TICRR: variants seen among roughly 807,000 people sequenced by gnomAD.
The protein encoded by TICRR is TOPBP1 interacting checkpoint and replication regulator, also known as treslin.
A neutral mutation model predicts 178.1 loss-of-function variants in TICRR; 132 were observed. That is an observed-to-expected ratio of 0.74 (90% confidence interval 0.64 to 0.86). TICRR has a LOEUF of 0.86. Among genes scored for constraint, TICRR ranks in the 40% least tolerant of loss-of-function variants. The probability of loss-of-function intolerance (pLI) is 0.00; values close to 1 mark genes in which losing one functional copy is unlikely to be tolerated. For missense variants in TICRR, 2,587 were observed against 2,334.3 expected, an observed-to-expected ratio of 1.11 and a Z score of -2.23; for synonymous variants, 991 against 900.7, an observed-to-expected ratio of 1.10 and a Z score of -1.79.
intron 7 of TICRR, among the ~76,000 whole-genome samples, chr15:89,596,607 A>C (rs1047814294): frequency 6.6e-6 from 1 of 152,156 alleles, no homozygotes. Flanking sequence ...TCGGCCTCCT[A>C]AAGTGCTGGG....
chr15:89,605,222 A>C (rs528644681), intron 13 of TICRR, among the ~76,000 whole-genome samples: 31 of 152,366 alleles, frequency 2.0e-4, no homozygotes, highest in African/African-American at 7.2e-4. Flanking sequence ...GCTATAGTGG[A>C]AAAGCAGCTA....
chr15:89,613,733 G>C (rs764887608), intron 15 of TICRR, among the ~76,000 whole-genome samples: 706 of 55,564 alleles, frequency 0.013, 3 homozygotes, highest in Middle Eastern at 0.097. Flanking sequence ...ATTTCTATTC[G>C]CTTTTTTTTT....
In TICRR at chr15:89,601,557, A is replaced by T. The variant is rs1006265134; in HGVS notation, c.2316A>T (p.Glu772Asp). ...CGTACCTAGCAGAGTTTCTGGAGGA[A>T]ATTTTGAGATTGTAAGTTTGATGGT... is the stretch of plus-strand genomic sequence containing the variant. ...DSAYLAEFLE[E>D]ILRLYIDSIP... The change falls in exon 11 of 22, where the codon GAA becomes GAT. Residue 772 changes from glutamate to aspartate, a missense_variant. Coordinates refer to ENST00000268138, the MANE Select transcript of TICRR (RefSeq NM_152259.4). The T allele has an allele frequency of 8.1e-6, 13 of 1,614,048 alleles. No individual in the cohort carries two copies. The African/African-American group carries it at 1.6e-4, about 20-fold the overall frequency.
At chr15:89,597,294 C>T (rs1397097130) in intron 7 of TICRR, among the ~76,000 whole-genome samples, 5 of 152,038 alleles carry the variant, frequency 3.3e-5, no homozygotes, top group African/African-American at 7.2e-5. Flanking sequence ...GAGGCTGAGG[C>T]GGGCAGATCA....
At chr15:89,599,272 C>A in intron 7 of TICRR, 52 bp from the exon 8 acceptor site, 2 of 1,367,698 alleles carry the variant, frequency 1.5e-6, no homozygotes, top group South Asian at 1.3e-5. Flanking sequence ...CTAAGTAATA[C>A]AAGGACTTGA....
At position 89,627,031 on chromosome 15, in the gene TICRR, TCAG is replaced by T; in HGVS notation, c.5682_5684del (p.Ser1894del). 1 of 1,614,136 alleles carries T rather than the reference TCAG, an allele frequency of 6.2e-7. No homozygotes were observed. The highest frequency in any genetic ancestry group is 8.5e-7 in the Non-Finnish European group (1 of 1,180,014). Reference sequence around the variant, plus strand: ...CGCGCTTTCTCCAGGAGGCGCCCCATCAGCAGAACTTATACACGGAAGAAGCTC... The same window carrying T: ...CGCGCTTTCTCCAGGAGGCGCCCCATCAGAACTTATACACGGAAGAAGCTC... On this transcript the variant is annotated inframe_deletion, in exon 22 of 22. Transcript: ENST00000268138.
rs1295074618 is a variant in TICRR at position 89,627,231 on chromosome 15, C to G, written c.*145C>G. 1.7e-5 allele frequency: 16 copies of G among 958,920 alleles called. No homozygotes were observed. The highest frequency in any genetic ancestry group is 1.7e-5 in the South Asian group (1 of 57,808). The allele number at this position is 958,920 out of a possible 1,614,324, so 59.4% of individuals were successfully genotyped here. A position where few individuals can be genotyped will look rare whatever the true frequency, so the allele number is the denominator to read the frequency against. Reference sequence around the variant, plus strand: ...AATGCCTTAGGGTTTTCTAATTCCCCTTATGGATCCAATCCATCTCCTGGC... The same window carrying G: ...AATGCCTTAGGGTTTTCTAATTCCCGTTATGGATCCAATCCATCTCCTGGC... On this transcript the variant is annotated 3_prime_UTR_variant, in exon 22 of 22. Transcript: ENST00000268138.
chr15:89,618,701 C>T (rs879638100), intron 17 of TICRR, among the ~76,000 whole-genome samples: 2 of 152,230 alleles, frequency 1.3e-5, no homozygotes, highest in Admixed American at 1.3e-4. Context: ...TGGTTCACGC[C>T]TGTAATCCCA....
rs777860778 is a variant in TICRR, at chr15:89,625,519, G to A, written c.5209G>A (p.Asp1737Asn). 1 of 1,613,692 alleles carries A rather than the reference G, an allele frequency of 6.2e-7. No individual in the cohort carries two copies. Among genetic ancestry groups the A allele is most frequent in the East Asian group, 2.2e-5 (1 of 44,846 alleles). ...LSIHRTPILE[D>N]FELEGVCQLP... ...CATCCACAGGACGCCCATCTTGGAG[G>A]ATTTTGAGCTCGAGGGAGTGTGCCA... is the stretch of plus-strand genomic sequence containing the variant. Residue 1737 changes from aspartate to asparagine, a missense_variant, in exon 20 of 22, where the codon GAT becomes AAT. Asp to Asn is a conservative substitution (Grantham distance 23). Coordinates refer to ENST00000268138, the MANE Select transcript of TICRR (RefSeq NM_152259.4).
chr15:89,621,845 T>G (rs749927349), intron 19 of TICRR, among the ~76,000 whole-genome samples: 3 of 152,104 alleles, frequency 2.0e-5, no homozygotes, highest in Non-Finnish European at 2.9e-5. Flanking sequence ...CTTTCTGGAG[T>G]GTGTGACACT....
rs560304871 is a variant in TICRR, at chr15:89,600,036, G to T, written c.2053-549G>T. Among the ~76,000 whole-genome samples, 4 of 152,316 alleles carry T rather than the reference G, an allele frequency of 2.6e-5. No homozygotes were observed. In the South Asian group the frequency reaches 6.2e-4, roughly 24 times the overall value. ...CAGGAGAATCGTTTTAACCTGGGAG[G>T]TGGAGGTTGCAGTGAGGCAAGATCG... On this transcript the variant is annotated intron_variant, in intron 8 of 21. Coordinates refer to ENST00000268138, the MANE Select transcript of TICRR (RefSeq NM_152259.4).
In TICRR at chr15:89,602,809, A is replaced by G. The variant is rs1257206225; in HGVS notation, c.2581A>G (p.Ile861Val). Residue 861 changes from isoleucine (I) to valine (V), a missense_variant, in exon 13 of 22, where the codon ATA becomes GTA. Coordinates refer to ENST00000268138, the MANE Select transcript of TICRR (RefSeq NM_152259.4). ...SAKKRRKNAL[I>V]RHKSIAEVSQ... ...TATTTTTAAAAGGAAAAATGCATTA[A>G]TAAGACATAAAAGCATTGCTGAGGT... 3 of 1,490,142 alleles carry G rather than the reference A, an allele frequency of 2.0e-6. No homozygotes were observed. In the East Asian group the frequency reaches 7.6e-5, roughly 38 times the overall value. The allele number at this position is 1,490,142 out of a possible 1,614,324, so 92.3% of individuals were successfully genotyped here.
rs765703319 is a variant in TICRR, at chr15:89,575,787, G to T, written c.201G>T (p.Glu67Asp). The change falls in exon 1 of 22, where the codon GAG becomes GAT. Residue 67 changes from glutamate (E) to aspartate (D), a missense_variant. Transcript: ENST00000268138. ...SRPSRVSDFR[E>D]LGSRSWEDFE... The stretch of plus-strand genomic sequence containing the variant: ...CGTCCCGCGTGTCTGACTTCCGCGA[G>T]CTGGGGTCCCGCTCGTGGGAGGACT... The T allele has an allele frequency of 6.2e-7, 1 of 1,607,952 alleles. No homozygotes were observed. Among genetic ancestry groups the T allele is most frequent in the Non-Finnish European group, 8.5e-7 (1 of 1,178,210 alleles).
rs947009314 is a variant in TICRR, at chr15:89,575,497, G to A, written c.-90G>A. ...CTTTCGACCAGGGTCCCAAAGGAAA[G>A]CAGTGAGTGGTGCTGTTTCCCTGAA... On this transcript the variant is annotated 5_prime_UTR_variant, in exon 1 of 22. Transcript: ENST00000268138. 5 of 1,262,292 alleles carry A rather than the reference G, an allele frequency of 4.0e-6. No homozygotes were observed. Among genetic ancestry groups the A allele is most frequent in the Middle Eastern group, 2.5e-4 (1 of 3,976 alleles). The allele number at this position is 1,262,292 out of a possible 1,614,324, so 78.2% of individuals were successfully genotyped here.
At chr15:89,626,913 C>A (rs575663930) in intron 21 of TICRR, 43 bp from the exon 22 acceptor site, 6 of 1,597,212 alleles carry the variant, frequency 3.8e-6, no homozygotes, top group Non-Finnish European at 5.1e-6. Context: ...TCAGTTCGGT[C>A]CTCTGTGACT....
Position 89,627,229 on chromosome 15 carries a change from C to T in TICRR, c.*143C>T, listed in dbSNP as rs1334664184. 1.0e-6 allele frequency: 1 copy of T among 992,368 alleles called. No homozygotes were observed. Among genetic ancestry groups the T allele is most frequent in the Non-Finnish European group, 1.5e-6 (1 of 685,166 alleles). The allele number at this position is 992,368 out of a possible 1,614,324, so 61.5% of individuals were successfully genotyped here. A position where few individuals can be genotyped will look rare whatever the true frequency, so the allele number is the denominator to read the frequency against. On this transcript the variant is annotated 3_prime_UTR_variant, in exon 22 of 22. Coordinates refer to ENST00000268138, the MANE Select transcript of TICRR (RefSeq NM_152259.4). ...AGAATGCCTTAGGGTTTTCTAATTC[C>T]CCTTATGGATCCAATCCATCTCCTG... is the stretch of plus-strand genomic sequence containing the variant.
At chr15:89,617,246 G>GTA (rs1476848475) in intron 16 of TICRR, among the ~76,000 whole-genome samples, 4 of 152,150 alleles carry the variant, frequency 2.6e-5, no homozygotes, top group Admixed American at 1.3e-4. Context: ...GACATTATTC[G>GTA]TATATGGATT....
At chr15:89,613,732 C>T (rs957666711) in intron 15 of TICRR, among the ~76,000 whole-genome samples, 14 of 68,316 alleles carry the variant, frequency 2.0e-4, no homozygotes, top group Admixed American at 4.5e-4. Flanking sequence ...AATTTCTATT[C>T]GCTTTTTTTT....
intron 8 of TICRR, among the ~76,000 whole-genome samples, 153 bp downstream of exon 8, chr15:89,599,628 C>G (rs1963060274): frequency 1.3e-5 from 2 of 152,140 alleles, no homozygotes; most frequent in Non-Finnish European, 2.9e-5. Flanking sequence ...AGTTCCAGAT[C>G]TCAGAAGGTG....
Sources: allele counts gnomAD v4.1 joint callset (sites outside exome capture counted in the v4.1 genomes callset), GRCh38; gene constraint gnomAD v4.1.1; transcripts MANE v1.5; gene names NCBI Gene and HGNC (gene_info 2026-07-23, HGNC 2026-07-21).